C10orf67: variants seen among roughly 807,000 people sequenced by gnomAD.
C10orf67 encodes chromosome 10 open reading frame 67, also known as uncharacterized protein C10orf67, mitochondrial.
In C10orf67, 60 loss-of-function variants were observed where a neutral mutation model predicts 35.6. That is an observed-to-expected ratio of 1.68 (90% CI 1.37 to 2.09). The LOEUF (loss-of-function observed/expected upper bound fraction) is 2.09. Among genes scored for constraint, C10orf67 ranks in the 30% most tolerant of loss-of-function variants. The probability of loss-of-function intolerance (pLI) is 0.00; values close to 1 mark genes in which losing one functional copy is unlikely to be tolerated. For synonymous variants in C10orf67, 167 were observed against 115.8 expected (o/e 1.44, Z -2.84); for missense variants, 474 against 330.2 (o/e 1.44, Z -3.38).
intron 15 of C10orf67, among the ~76,000 whole-genome samples, chr10:23,218,705 TATATTTAATAAA>T (rs1228089655): frequency 6.6e-6 from 1 of 152,178 alleles, no homozygotes; most frequent in Non-Finnish European, 1.5e-5. Context: ...CGTAATACAT[TATATTTAATAAA>T]TCAGGTTAGT....
At chr10:23,211,839 T>A (rs1335588984) in intron 15 of C10orf67, among the ~76,000 whole-genome samples, 1 of 152,094 alleles carries the variant, frequency 6.6e-6, no homozygotes, top group African/African-American at 2.4e-5. Flanking sequence ...TAGGACTCCA[T>A]ATGGGCCTGA....
intron 1 of C10orf67, among the ~76,000 whole-genome samples, chr10:23,335,187 C>CAAA: frequency 1.3e-5 from 1 of 79,346 alleles, no homozygotes; most frequent in Admixed American, 1.4e-4. Context: ...GATTCTGTCT[C>CAAA]AAAAAAAAAA....
In C10orf67 at chr10:23,303,297, AAC is replaced by A; in HGVS notation, c.702+5_702+6del. On this transcript the variant is annotated splice_donor_5th_base_variant and intron_variant, in intron 5 of 15. Coordinates refer to ENST00000636213, the MANE Select transcript of C10orf67 (RefSeq NM_001371909.1). The stretch of plus-strand genomic sequence containing the variant: ...TAAAATTAATTATTCCTTGCCTTGA[AAC>A]TTACCATTTTGTGAAATCCAAAATC... 1.9e-6 allele frequency: 1 copy of A among 539,110 alleles called. No individual in the cohort carries two copies. The highest frequency in any genetic ancestry group is 3.3e-6 in the Non-Finnish European group (1 of 299,332). The allele number at this position is 539,110 out of a possible 1,614,324, so 33.4% of individuals were successfully genotyped here. A position where few individuals can be genotyped will look rare whatever the true frequency, so the allele number is the denominator to read the frequency against.
rs188561593 is a variant in C10orf67, at chr10:23,267,778, C to T, written c.976-524G>A. Among the ~76,000 whole-genome samples, 222 of 151,598 alleles carry T rather than the reference C, an allele frequency of 1.5e-3. 1 individual carries two copies. Among genetic ancestry groups the T allele is most frequent in the African/African-American group, 4.4e-3 (180 of 41,300 alleles). Reference sequence around the variant, plus strand: ...AAAATTTTCCGGGCGTGGTGGTGGGCGCCTGTAATTCCAGCTACTTGGGAG... The same window carrying T: ...AAAATTTTCCGGGCGTGGTGGTGGGTGCCTGTAATTCCAGCTACTTGGGAG... On this transcript the variant is annotated intron_variant, in intron 8 of 15. Coordinates refer to ENST00000636213, the MANE Select transcript of C10orf67 (RefSeq NM_001371909.1).
intron 5 of C10orf67, among the ~76,000 whole-genome samples, chr10:23,302,445 T>C (rs1410000841): frequency 2.6e-5 from 4 of 152,178 alleles, no homozygotes; most frequent in African/African-American, 7.2e-5. Flanking sequence ...CCTCTTCATC[T>C]GCAAACTGAA....
intron 15 of C10orf67, among the ~76,000 whole-genome samples, chr10:23,221,700 C>A (rs1290144166): frequency 6.6e-6 from 1 of 152,130 alleles, no homozygotes; most frequent in Non-Finnish European, 1.5e-5. Context: ...GCATTACCAC[C>A]AAAGATCGTG....
chr10:23,324,331 C>T (rs1000699186), intron 2 of C10orf67, among the ~76,000 whole-genome samples: 3 of 152,070 alleles, frequency 2.0e-5, no homozygotes, highest in African/African-American at 7.2e-5. Flanking sequence ...TCCTCAGGTT[C>T]TATGAATCTG....
chr10:23,236,569 A>G (rs1438297700), intron 13 of C10orf67, among the ~76,000 whole-genome samples: 1 of 152,004 alleles, frequency 6.6e-6, no homozygotes, highest in African/African-American at 2.4e-5. Context: ...AGTACTGGCA[A>G]TTTTGTTATT....
intron 5 of C10orf67, among the ~76,000 whole-genome samples, chr10:23,302,210 CATATT>C (rs1252709573): frequency 4.0e-5 from 6 of 150,816 alleles, no homozygotes; most frequent in Admixed American, 1.3e-4. Flanking sequence ...TATAATATAT[CATATT>C]ATAATATATT....
chr10:23,298,810 A>G (rs1219848880), intron 5 of C10orf67, among the ~76,000 whole-genome samples: 1 of 152,214 alleles, frequency 6.6e-6, no homozygotes, highest in East Asian at 1.9e-4. Flanking sequence ...GGGTGGCTTG[A>G]TGACACAAGG....
At chr10:23,303,587 T>A in intron 4 of C10orf67, 128 bp from the exon 5 acceptor site, 1 of 430,416 alleles carries the variant, frequency 2.3e-6, no homozygotes, top group Non-Finnish European at 4.2e-6. Context: ...TTTAAGCTAC[T>A]GTTTTGTGAA....
intron 10 of C10orf67, among the ~76,000 whole-genome samples, chr10:23,265,056 C>T (rs1842850560): frequency 6.6e-6 from 1 of 152,234 alleles, no homozygotes; most frequent in Admixed American, 6.5e-5. Flanking sequence ...GCAAAATTTA[C>T]CCTCTTCCAG....
chr10:23,239,461 C>A (rs1036625033), intron 13 of C10orf67, among the ~76,000 whole-genome samples: 20 of 152,168 alleles, frequency 1.3e-4, no homozygotes, highest in African/African-American at 4.3e-4. Flanking sequence ...AGAATGAGTG[C>A]CCGCTCCTCT....
intron 5 of C10orf67, among the ~76,000 whole-genome samples, chr10:23,300,298 G>A (rs2132279436): frequency 6.6e-6 from 1 of 152,222 alleles, no homozygotes; most frequent in Admixed American, 6.5e-5. Flanking sequence ...GCCCTATTAG[G>A]CATTCGATTT....
intron 10 of C10orf67, among the ~76,000 whole-genome samples, chr10:23,256,450 C>A (rs1247468348): frequency 6.6e-6 from 1 of 152,086 alleles, no homozygotes; most frequent in Admixed American, 6.6e-5. Flanking sequence ...GGGGTTACAC[C>A]CAGGTAACCT....
chr10:23,267,509 A>C (rs1411455224), intron 8 of C10orf67, among the ~76,000 whole-genome samples: 1 of 152,276 alleles, frequency 6.6e-6, no homozygotes, highest in Non-Finnish European at 1.5e-5. Flanking sequence ...CATTGCATTA[A>C]GTACAACAAA....
Position 23,228,571 on chromosome 10 carries a change from A to G in C10orf67, c.1435-4753T>C, listed in dbSNP as rs180799226. 5.3e-5 allele frequency among the ~76,000 whole-genome samples: 8 copies of G among 152,340 alleles called. No homozygotes were observed. The East Asian group carries it at 1.3e-3, about 26-fold the overall frequency. Reference sequence around the variant, plus strand: ...AAAACACCAAAAGCAATGGCAACAAAAGCCAAAATTGATGAATGGGATCTG... The same window carrying G: ...AAAACACCAAAAGCAATGGCAACAAGAGCCAAAATTGATGAATGGGATCTG... On this transcript the variant is annotated intron_variant, in intron 13 of 15. Coordinates refer to ENST00000636213, the MANE Select transcript of C10orf67 (RefSeq NM_001371909.1).
intron 5 of C10orf67, among the ~76,000 whole-genome samples, chr10:23,297,274 A>C: frequency 1.1e-5 from 1 of 89,910 alleles, no homozygotes; most frequent in East Asian, 3.5e-4. Flanking sequence ...TTCCTTTCTG[A>C]TGACCCCACC....
intron 8 of C10orf67, among the ~76,000 whole-genome samples, chr10:23,272,178 A>T (rs1479451397): frequency 3.9e-5 from 6 of 152,172 alleles, no homozygotes; most frequent in Non-Finnish European, 7.3e-5. Flanking sequence ...TGGCCTCCCA[A>T]AGTGTTGGGA....
Sources: allele counts gnomAD v4.1 joint callset (sites outside exome capture counted in the v4.1 genomes callset), GRCh38; gene constraint gnomAD v4.1.1; transcripts MANE v1.5; gene names NCBI Gene and HGNC (gene_info 2026-07-23, HGNC 2026-07-21).